Variants in MEGF9 observed in about 807,000 individuals in gnomAD.
The protein encoded by MEGF9 is multiple EGF like domains 9, also known as multiple epidermal growth factor-like domains protein 9.
A neutral mutation model predicts 46.8 loss-of-function variants in MEGF9; 6 were observed. The ratio of observed to expected loss-of-function variants is 0.13; its 90% CI spans 0.07 to 0.25. The LOEUF is 0.25. MEGF9 is among the 10% of genes least tolerant of loss of function. The probability of loss-of-function intolerance (pLI) is 1.00; values close to 1 mark genes in which losing one functional copy is unlikely to be tolerated. For missense variants in MEGF9, 683 were observed against 792.4 expected, an observed-to-expected ratio of 0.86 and a Z score of 1.66; for synonymous variants, 302 against 330.7, an observed-to-expected ratio of 0.91 and a Z score of 0.94.
At chr9:120,637,442 A>G (rs191439284) in intron 2 of MEGF9, among the ~76,000 whole-genome samples, 4 of 152,134 alleles carry the variant, frequency 2.6e-5, no homozygotes, top group African/African-American at 9.6e-5. Context: ...AAGTTTAAAA[A>G]AAAAGAGAGA....
At position 120,602,906 on chromosome 9, in the gene MEGF9, C is replaced by T. The variant is rs1005996028; in HGVS notation, c.*2284G>A. 3 of 152,102 alleles carry T rather than the reference C, an allele frequency of 2.0e-5. No individual in the cohort carries two copies. The highest frequency in any genetic ancestry group is 6.5e-5 in the Admixed American group (1 of 15,270). The allele number at this position is 152,102 out of a possible 1,614,324, so 9.4% of individuals were successfully genotyped here. A position where few individuals can be genotyped will look rare whatever the true frequency, so the allele number is the denominator to read the frequency against. On this transcript the variant is annotated 3_prime_UTR_variant, in exon 6 of 6. Transcript: ENST00000373930. ...TTCCTGCTTGGAGAGATGAGTTCAC[C>T]TTAATGAAGCACAAACTGGCAGTTT...
At chr9:120,683,073 T>C (rs2043805694) in intron 1 of MEGF9, among the ~76,000 whole-genome samples, 1 of 151,970 alleles carries the variant, frequency 6.6e-6, no homozygotes, top group Admixed American at 6.6e-5. Context: ...ATTAGAAAGG[T>C]ATATTAGGGC....
chr9:120,653,380 T>A (rs916038721), intron 2 of MEGF9, among the ~76,000 whole-genome samples: 2 of 145,254 alleles, frequency 1.4e-5, no homozygotes, highest in Non-Finnish European at 1.5e-5. Flanking sequence ...TTTTATTTAT[T>A]TTTTTTTTTG....
chr9:120,655,566 C>T (rs940954213), intron 2 of MEGF9, among the ~76,000 whole-genome samples: 21 of 152,150 alleles, frequency 1.4e-4, no homozygotes, highest in Non-Finnish European at 2.2e-4. Flanking sequence ...TTGCATGAAT[C>T]GTCCATCACT....
At chr9:120,626,768 G>A (rs2043527313) in intron 2 of MEGF9, among the ~76,000 whole-genome samples, 1 of 152,198 alleles carries the variant, frequency 6.6e-6, no homozygotes, top group Non-Finnish European at 1.5e-5. Flanking sequence ...CTAGTGACTA[G>A]CTGGCACAAA....
intron 2 of MEGF9, among the ~76,000 whole-genome samples, chr9:120,640,426 A>T: frequency 6.6e-6 from 1 of 151,670 alleles, no homozygotes; most frequent in East Asian, 1.9e-4. Context: ...ATATACCATA[A>T]ATTTTATTTT....
chr9:120,681,737 C>G (rs76499237), intron 1 of MEGF9, among the ~76,000 whole-genome samples: 6,218 of 152,168 alleles, frequency 0.041, 420 homozygotes, highest in African/African-American at 0.14. Flanking sequence ...AACTATTCTT[C>G]AATTTATATG....
In MEGF9 at chr9:120,665,748, T is replaced by C. The variant is rs570119010; in HGVS notation, c.602-6173A>G. On this transcript the variant is annotated intron_variant, in intron 1 of 5. Coordinates refer to ENST00000373930, the MANE Select transcript of MEGF9 (RefSeq NM_001080497.3). ...TCAGATCTCACTTTTAAGTCTTTAA[T>C]CCATTTTGAGTTAATTTTTTTAAAA... Among the ~76,000 whole-genome samples the C allele has an allele frequency of 1.2e-3, 184 of 152,334 alleles. 3 individuals are homozygous for C. The highest frequency in any genetic ancestry group is 4.3e-3 in the African/African-American group (180 of 41,578).
At chr9:120,678,929 C>G (rs868293806) in intron 1 of MEGF9, among the ~76,000 whole-genome samples, 2 of 152,144 alleles carry the variant, frequency 1.3e-5, no homozygotes, top group South Asian at 2.1e-4. Context: ...AATGAGATAC[C>G]ATCTCACACC....
At chr9:120,616,274 CAATAAA>C (rs2043472210) in intron 3 of MEGF9, among the ~76,000 whole-genome samples, 1 of 151,626 alleles carries the variant, frequency 6.6e-6, no homozygotes, top group African/African-American at 2.4e-5. Flanking sequence ...TTTATTTTTA[CAATAAA>C]AATAAAGACC....
chr9:120,696,724 T>C (rs2043878862), intron 1 of MEGF9, among the ~76,000 whole-genome samples: 1 of 152,180 alleles, frequency 6.6e-6, no homozygotes, highest in South Asian at 2.1e-4. Context: ...ACTTGAGCTC[T>C]ATGGGCTGGG....
intron 1 of MEGF9, among the ~76,000 whole-genome samples, chr9:120,661,205 T>C (rs1408203645): frequency 6.6e-6 from 1 of 152,204 alleles, no homozygotes; most frequent in Non-Finnish European, 1.5e-5. Context: ...CTCTTCTAGT[T>C]TGTAAAGATA....
At chr9:120,681,962 A>G (rs1161983886) in intron 1 of MEGF9, among the ~76,000 whole-genome samples, 3 of 152,208 alleles carry the variant, frequency 2.0e-5, no homozygotes, top group Non-Finnish European at 2.9e-5. Flanking sequence ...CTTTGTAAAG[A>G]CTTTTCTTAA....
intron 1 of MEGF9, among the ~76,000 whole-genome samples, chr9:120,681,247 G>C (rs1016252245): frequency 3.9e-5 from 6 of 152,172 alleles, no homozygotes; most frequent in Admixed American, 3.9e-4. Context: ...AGTAGGTGAT[G>C]AATGCCGCCA....
intron 3 of MEGF9, among the ~76,000 whole-genome samples, chr9:120,619,643 T>C (rs2043489429): frequency 1.3e-5 from 2 of 152,232 alleles, no homozygotes; most frequent in Non-Finnish European, 2.9e-5. Flanking sequence ...GTTGCCTAAC[T>C]TTTTAAAATT....
At chr9:120,656,929 A>G (rs1473788483) in intron 2 of MEGF9, among the ~76,000 whole-genome samples, 1 of 152,238 alleles carries the variant, frequency 6.6e-6, no homozygotes, top group East Asian at 1.9e-4. Context: ...ATAAAATAAA[A>G]TAATGAATAA....
At chr9:120,693,106 T>C (rs531553047) in intron 1 of MEGF9, among the ~76,000 whole-genome samples, 1 of 152,242 alleles carries the variant, frequency 6.6e-6, no homozygotes, top group South Asian at 2.1e-4. Context: ...TTATTTTGTA[T>C]AACAGAAAGC....
chr9:120,690,215 G>A (rs973215373), intron 1 of MEGF9, among the ~76,000 whole-genome samples: 2 of 152,088 alleles, frequency 1.3e-5, no homozygotes, highest in South Asian at 2.1e-4. Flanking sequence ...GGGAAATTAC[G>A]AGGTCCAAGG....
Position 120,714,119 on chromosome 9 carries a change from G to T in MEGF9, c.240C>A (p.Thr80=), listed in dbSNP as rs2043966926. Residue 80 remains threonine, a synonymous_variant, in exon 1 of 6, where the codon ACC becomes ACA. Coordinates refer to ENST00000373930, the MANE Select transcript of MEGF9 (RefSeq NM_001080497.3). ...GGTGGACGGTGGCGCGCGGGGGCCC[G>T]GTCCTCGGGGCCTGGGCCGTGGGAG... ...ATAPTAQAPR[T]GPPRATVHRP... 2.4e-6 allele frequency: 3 copies of T among 1,242,408 alleles called. No homozygotes were observed. Among genetic ancestry groups the T allele is most frequent in the Non-Finnish European group, 1.0e-6 (1 of 993,090 alleles). 77.0% of individuals were successfully genotyped at this position (1,242,408 alleles called of 1,614,324 possible). A position where few individuals can be genotyped will look rare whatever the true frequency, so the allele number is the denominator to read the frequency against.
Sources: allele counts gnomAD v4.1 joint callset (sites outside exome capture counted in the v4.1 genomes callset), GRCh38; gene constraint gnomAD v4.1.1; transcripts MANE v1.5; gene names NCBI Gene and HGNC (gene_info 2026-07-23, HGNC 2026-07-21).